DGKA: variants seen among roughly 807,000 people sequenced by gnomAD.
DGKA encodes the protein 80 kDa diacylglycerol kinase.
In DGKA, 35 loss-of-function variants were observed where a neutral mutation model predicts 105.0. The observed-to-expected ratio is 0.33, with a 90% CI of 0.25 to 0.44. The LOEUF (loss-of-function observed/expected upper bound fraction) is 0.44, where lower values mean the gene tolerates loss of function less well. Ranked by LOEUF, DGKA falls within the 20% of genes least tolerant of loss-of-function variation. The probability of loss-of-function intolerance (pLI) is 1.00; values close to 1 mark genes in which losing one functional copy is unlikely to be tolerated. For synonymous variants in DGKA, 296 were observed against 332.0 expected, an observed-to-expected ratio of 0.89 and a Z score of 1.18; for missense variants, 665 against 915.0, an observed-to-expected ratio of 0.73 and a Z score of 3.53.
chr12:55,939,450 C>G lies in DGKA; in HGVS notation c.630C>G (p.Pro210=). 6.2e-7 allele frequency: 1 copy of G among 1,614,162 alleles called. No homozygotes were observed. The highest frequency in any genetic ancestry group is 8.5e-7 in the Non-Finnish European group (1 of 1,180,036). ...LKDDGQHMWR[P]KRFPRPVYCN... is the part of the protein sequence containing the mutation. ...ACGACGGACAGCACATGTGGAGGCC[C>G]AAGAGGTTCCCCAGACCAGTCTACT... The change falls in exon 9 of 24, where the codon CCC becomes CCG. Residue 210 remains proline (P), a synonymous_variant. Transcript: ENST00000331886.
In DGKA at chr12:55,940,559, G is replaced by C. The variant is rs1885706205; in HGVS notation, c.919-65G>C. ...GCTCCCAAGGGCTCTTTCCAGCCCA[G>C]ACTGCCAGGTTGAGAGGAGACAGGG... is the stretch of plus-strand genomic sequence containing the variant. On this transcript the variant is annotated intron_variant, in intron 11 of 23. Transcript: ENST00000331886. The surrounding 1 kb of genome is among the most constrained non-coding windows in gnomAD (Gnocchi z 4.3). The C allele has an allele frequency of 3.8e-6, 6 of 1,560,102 alleles. No homozygotes were observed. Among genetic ancestry groups the C allele is most frequent in the Non-Finnish European group, 5.2e-6 (6 of 1,153,396 alleles).
In DGKA at chr12:55,953,806, A is replaced by T; in HGVS notation, c.*38A>T. 4.4e-6 allele frequency: 7 copies of T among 1,575,316 alleles called. No individual in the cohort carries two copies. The South Asian group carries it at 7.8e-5, about 18-fold the overall frequency. On this transcript the variant is annotated 3_prime_UTR_variant, in exon 24 of 24. Transcript: ENST00000331886. ...TGGCCTCCAAGCCAGCCTTGAACCC[A>T]CCTCCCTGTCCCTGGACTCTACTCC...
chr12:55,937,209 G>C, intron 3 of DGKA, 119 bp downstream of exon 3: 1 of 1,253,986 alleles, frequency 8.0e-7, no homozygotes, highest in Non-Finnish European at 1.2e-6. Context: ...AGATACCCTA[G>C]TGTCCATTGT....
In DGKA at chr12:55,938,235, T is replaced by C. The variant is rs1299183827; in HGVS notation, c.349+183T>C. On this transcript the variant is annotated intron_variant, in intron 5 of 23. Transcript: ENST00000331886. Reference sequence around the variant, plus strand: ...TATTTATACCTAATACCCTTCACCATAGTCACCCCAGTACCCATGTCTTGT... The same window carrying C: ...TATTTATACCTAATACCCTTCACCACAGTCACCCCAGTACCCATGTCTTGT... 2.5e-5 allele frequency: 17 copies of C among 676,548 alleles called. No individual in the cohort carries two copies. In the East Asian group the frequency reaches 4.6e-4, roughly 18 times the overall value. 41.9% of individuals were successfully genotyped at this position (676,548 alleles called of 1,614,324 possible). A position where few individuals can be genotyped will look rare whatever the true frequency, so the allele number is the denominator to read the frequency against.
At chr12:55,937,195 C>T in intron 3 of DGKA, 105 bp downstream of exon 3, 1 of 1,326,924 alleles carries the variant, frequency 7.5e-7, no homozygotes, top group South Asian at 1.2e-5. Context: ...ACTATCCCCT[C>T]TAGAGATACC....
intron 9 of DGKA, chr12:55,939,834 G>A: frequency 1.7e-6 from 1 of 589,922 alleles, no homozygotes. Flanking sequence ...GGCCTCCCAA[G>A]CATTATCCAG....
Position 55,953,828 on chromosome 12 carries a change from C to T in DGKA, c.*60C>T. 2.1e-6 allele frequency: 3 copies of T among 1,461,172 alleles called. No individual in the cohort carries two copies. Among genetic ancestry groups the T allele is most frequent in the Admixed American group, 1.7e-5 (1 of 58,476 alleles). 90.5% of individuals were successfully genotyped at this position (1,461,172 alleles called of 1,614,324 possible). The stretch of plus-strand genomic sequence containing the variant: ...CCCACCTCCCTGTCCCTGGACTCTA[C>T]TCCCGAGGCTCTGTACATTGCTGCC... On this transcript the variant is annotated 3_prime_UTR_variant, in exon 24 of 24. Transcript: ENST00000331886.
chr12:55,929,303 T>C (rs770376819), upstream of DGKA: 5 of 152,258 alleles, frequency 3.3e-5, no homozygotes, highest in Middle Eastern at 3.4e-3. Flanking sequence ...GACGTGAGAG[T>C]GTGGGATGAA....
chr12:55,953,678 C>T lies in DGKA; in HGVS notation c.2125-7C>T, dbSNP rs758090296. ...CCTGCCTCTGAATGTGCTCCCTTCC[C>T]TTCCAGATCAAGATCACCCACAAGA... On this transcript the variant is annotated splice_polypyrimidine_tract_variant and splice_region_variant and intron_variant, in intron 23 of 23. Transcript: ENST00000331886. 5.6e-6 allele frequency: 9 copies of T among 1,613,778 alleles called. No individual in the cohort carries two copies. The South Asian group carries it at 7.7e-5, about 14-fold the overall frequency.
In DGKA at chr12:55,947,883, G is replaced by A. The variant is rs188506133; in HGVS notation, c.1427-3740G>A. ...TCGGCTCACTGCAACCTCCACCTCC[G>A]GGTTCAAGCGATTCTCGTGCCTCAG... On this transcript the variant is annotated intron_variant, in intron 17 of 23. Transcript: ENST00000331886. Among the ~76,000 whole-genome samples the A allele has an allele frequency of 3.3e-3, 496 of 152,012 alleles. 1 individual carries two copies. The highest frequency in any genetic ancestry group is 0.011 in the African/African-American group (447 of 41,530).
rs529258657 is a variant in DGKA at position 55,936,520 on chromosome 12, G to T, written c.17G>T (p.Gly6Val). ...AATAGACAGATGGCCAAGGAGAGGG[G>T]CCTAATAAGCCCCAGTGATTTTGCC... MAKER[G>V]LISPSDFAQL... is the part of the protein sequence containing the mutation. The change falls in exon 2 of 24, where the codon GGC becomes GTC. Residue 6 changes from glycine to valine, a missense_variant. Coordinates refer to ENST00000331886, the MANE Select transcript of DGKA (RefSeq NM_001345.5). 1 of 1,614,108 alleles carries T rather than the reference G, an allele frequency of 6.2e-7. No homozygotes were observed. The highest frequency in any genetic ancestry group is 8.5e-7 in the Non-Finnish European group (1 of 1,179,996).
rs946140641 is a variant in DGKA, at chr12:55,939,087, T to C, written c.474+98T>C. On this transcript the variant is annotated intron_variant, in intron 7 of 23. Transcript: ENST00000331886. ...TCTCTGACAGGCAACCTGGTTCCCTTGGCTAGGATGGCTGGGCTGGATATC... is the reference window on the plus strand; with the variant it reads ...TCTCTGACAGGCAACCTGGTTCCCTCGGCTAGGATGGCTGGGCTGGATATC... The C allele has an allele frequency of 3.7e-6, 6 of 1,605,678 alleles. No individual in the cohort carries two copies. In the Admixed American group the frequency reaches 1.0e-4, roughly 27 times the overall value.
intron 13 of DGKA, 97 bp downstream of exon 13, chr12:55,941,077 G>A (rs1335168563): frequency 7.1e-7 from 1 of 1,415,726 alleles, no homozygotes; most frequent in Non-Finnish European, 9.7e-7. Flanking sequence ...GTGGGGAGCG[G>A]TTGATGCTCA....
At chr12:55,927,875 C>G (rs2136272383), upstream of DGKA, 2 of 1,384,602 alleles carry the variant, frequency 1.4e-6, no homozygotes, top group South Asian at 1.3e-5. Flanking sequence ...GCTTCTCGCC[C>G]AGACCTCCTA....
chr12:55,953,597 C>T, intron 23 of DGKA, 88 bp from the exon 24 acceptor site: 1 of 1,470,094 alleles, frequency 6.8e-7, no homozygotes, highest in Non-Finnish European at 9.5e-7. Flanking sequence ...CAACCCACCC[C>T]AAACCCCACA....
chr12:55,950,552 C>T (rs1361736283), intron 17 of DGKA, among the ~76,000 whole-genome samples: 4 of 152,054 alleles, frequency 2.6e-5, no homozygotes, highest in Non-Finnish European at 5.9e-5. Flanking sequence ...GTGATCCGCC[C>T]GCCTCGGCCT....
In DGKA at chr12:55,953,129, C is replaced by T. The variant is rs1299369110; in HGVS notation, c.2032C>T (p.Arg678Trp). ...TACCAAGCTCAAGAATGCTGGACGTCGGCTGGCCAAGTGCTCTGAGATCAC... is the reference window on the plus strand; with the variant it reads ...TACCAAGCTCAAGAATGCTGGACGTTGGCTGGCCAAGTGCTCTGAGATCAC... ...IYTKLKNAGRRLAKCSEITFH... is the reference protein window; with the variant it reads ...IYTKLKNAGRWLAKCSEITFH... The change falls in exon 22 of 24, where the codon CGG (arginine) becomes TGG (tryptophan). Residue 678 changes from arginine (R) to tryptophan (W), a missense_variant. By Grantham distance (101) the Arg-to-Trp change is moderately radical (BLOSUM62 -3). Around this residue, in one of 3 missense-constraint regions of DGKA, gnomAD observed 158 missense variants for 213.4 expected, o/e 0.74. Transcript: ENST00000331886. The T allele has an allele frequency of 2.5e-6, 4 of 1,613,950 alleles. No homozygotes were observed. The highest frequency in any genetic ancestry group is 2.5e-6 in the Non-Finnish European group (3 of 1,180,044).
intron 15 of DGKA, 126 bp from the exon 16 acceptor site, chr12:55,941,872 C>G: frequency 9.6e-7 from 1 of 1,042,154 alleles, no homozygotes; most frequent in Admixed American, 1.9e-5. Context: ...CATAGAAACT[C>G]AAGTCTTTTG....
intron 23 of DGKA, 109 bp downstream of exon 23, chr12:55,953,519 C>T: frequency 1.5e-6 from 2 of 1,363,206 alleles, no homozygotes; most frequent in East Asian, 2.3e-5. Context: ...TTCCCCTGCA[C>T]ATCATTCATC....
Sources: allele counts gnomAD v4.1 joint callset (sites outside exome capture counted in the v4.1 genomes callset), GRCh38; gene constraint gnomAD v4.1.1; regional missense constraint gnomAD v4.1.1; non-coding constraint Gnocchi (gnomAD v3.1); transcripts MANE v1.5; gene names NCBI Gene and HGNC (gene_info 2026-07-23, HGNC 2026-07-21).